The following ANKMY1 variants were observed in gnomAD, a reference collection of about 807,000 sequenced individuals.
ANKMY1 encodes the protein ankyrin repeat and MYND domain-containing protein 1.
ANKMY1 carries 98 observed loss-of-function variants against 102.0 expected under a neutral mutation model. That is an observed-to-expected ratio of 0.96 (90% CI 0.82 to 1.14). The LOEUF is 1.14. Ranked by LOEUF, ANKMY1 falls within the 50% of genes most tolerant of loss-of-function variation. The pLI, the probability that ANKMY1 is intolerant of heterozygous loss-of-function variation, is 0.00. For synonymous variants in ANKMY1, 582 were observed against 559.9 expected, an observed-to-expected ratio of 1.04 and a Z score of -0.56; for missense variants, 1,330 against 1,347.6, an observed-to-expected ratio of 0.99 and a Z score of 0.20.
At chr2:240,553,334 G>A (rs1414245459) in intron 3 of ANKMY1, 5 of 436,194 alleles carry the variant, frequency 1.1e-5, no homozygotes, top group Non-Finnish European at 2.1e-5. Flanking sequence ...CCTGAGTCAG[G>A]AGAGCACGGA....
chr2:240,498,694 GC>G (rs1206088962), intron 15 of ANKMY1, among the ~76,000 whole-genome samples: 2 of 152,042 alleles, frequency 1.3e-5, no homozygotes, highest in African/African-American at 4.8e-5. Context: ...TGAACTGTGG[GC>G]CCCCCTGTGG....
At chr2:240,500,305 G>C (rs1287466209) in intron 14 of ANKMY1, 147 bp downstream of exon 14, 3 of 1,124,322 alleles carry the variant, frequency 2.7e-6, no homozygotes, top group Non-Finnish European at 3.7e-6. Context: ...ACTTTGGGGG[G>C]TTCACCTCTG....
intron 4 of ANKMY1, among the ~76,000 whole-genome samples, chr2:240,545,893 C>G (rs2090258209): frequency 6.6e-6 from 1 of 152,186 alleles, no homozygotes; most frequent in South Asian, 2.1e-4. Context: ...ATTGGTATAC[C>G]TGAAAGTGAC....
downstream of ANKMY1, among the ~76,000 whole-genome samples, chr2:240,474,539 A>T (rs116400188): frequency 1.5e-3 from 228 of 152,290 alleles, 2 homozygotes; most frequent in African/African-American, 5.3e-3. Context: ...AGTACCTAAT[A>T]GTTATTTTTT....
chr2:240,530,783 G>A (rs1028762042), intron 4 of ANKMY1, among the ~76,000 whole-genome samples: 11 of 152,052 alleles, frequency 7.2e-5, no homozygotes, highest in Non-Finnish European at 1.0e-4. Flanking sequence ...GTGTGATGAC[G>A]CACACCTGTA....
intron 4 of ANKMY1, among the ~76,000 whole-genome samples, chr2:240,545,990 GA>G (rs1170664812): frequency 2.0e-5 from 3 of 152,090 alleles, no homozygotes; most frequent in African/African-American, 7.2e-5. Context: ...CCAACATTCA[GA>G]TTCAGGAAAT....
chr2:240,468,634 G>T, the ANKMY1 span, among the ~76,000 whole-genome samples: 1 of 152,218 alleles, frequency 6.6e-6, no homozygotes, highest in Admixed American at 6.5e-5. Flanking sequence ...CACTGTTCTG[G>T]GTGTGTCCCT....
chr2:240,534,697 A>G lies in ANKMY1; in HGVS notation c.481-5188T>C, dbSNP rs535903143. Among the ~76,000 whole-genome samples the G allele has an allele frequency of 2.6e-5, 4 of 152,370 alleles. No homozygotes were observed. In the South Asian group the frequency reaches 8.3e-4, roughly 32 times the overall value. On this transcript the variant is annotated intron_variant, in intron 4 of 17. Coordinates refer to ENST00000401804, the MANE Select transcript of ANKMY1 (RefSeq NM_001282771.3). ...TTCTAACAATATGGTCTCAAAATAAATAAAGCAAAATTTGACAGAATTATA... is the reference window on the plus strand; with the variant it reads ...TTCTAACAATATGGTCTCAAAATAAGTAAAGCAAAATTTGACAGAATTATA...
At chr2:240,543,246 G>A (rs1262939257) in intron 4 of ANKMY1, among the ~76,000 whole-genome samples, 3 of 151,618 alleles carry the variant, frequency 2.0e-5, no homozygotes, top group Admixed American at 2.0e-4. Flanking sequence ...CCAGCTACTC[G>A]GGAGGCTGAG....
chr2:240,476,220 G>T (rs2151808098), downstream of ANKMY1, among the ~76,000 whole-genome samples: 1 of 152,292 alleles, frequency 6.6e-6, no homozygotes, highest in African/African-American at 2.4e-5. Context: ...CTTTGACAAG[G>T]GGACCAAGAA....
chr2:240,493,799 C>G (rs1197191536), intron 15 of ANKMY1, among the ~76,000 whole-genome samples: 1 of 152,126 alleles, frequency 6.6e-6, no homozygotes, highest in Non-Finnish European at 1.5e-5. Context: ...TTGGCAACTA[C>G]TGGCAGGTCA....
At chr2:240,491,206 C>T (rs1369439998) in intron 15 of ANKMY1, among the ~76,000 whole-genome samples, 1 of 151,148 alleles carries the variant, frequency 6.6e-6, no homozygotes, top group Non-Finnish European at 1.5e-5. Flanking sequence ...ATTTTTTCAT[C>T]CCTTTATTTC....
chr2:240,543,427 G>GT (rs2089518008), intron 4 of ANKMY1, among the ~76,000 whole-genome samples: 1 of 151,912 alleles, frequency 6.6e-6, no homozygotes, highest in South Asian at 2.1e-4. Flanking sequence ...TTTTATCTGG[G>GT]TTTTATATTT....
the ANKMY1 span, among the ~76,000 whole-genome samples, chr2:240,469,949 T>G: frequency 7.4e-4 from 112 of 152,174 alleles, no homozygotes; most frequent in African/African-American, 2.6e-3. Flanking sequence ...TACACATGCA[T>G]GCACATGTGC....
chr2:240,511,663 C>G (rs1029760056), intron 11 of ANKMY1, among the ~76,000 whole-genome samples, 198 bp downstream of exon 11: 1 of 152,250 alleles, frequency 6.6e-6, no homozygotes, highest in Non-Finnish European at 1.5e-5. Context: ...AGGCCCCGTG[C>G]GCAGGCGTGC....
upstream of ANKMY1, chr2:240,561,064 C>A (rs571403854): frequency 1.2e-4 from 174 of 1,491,628 alleles, 1 homozygote; most frequent in African/African-American, 2.0e-3. Flanking sequence ...CTCAGCCTGG[C>A]GAAGGCCTTC....
chr2:240,496,397 TA>T (rs2077269672), intron 15 of ANKMY1, among the ~76,000 whole-genome samples: 1 of 151,058 alleles, frequency 6.6e-6, no homozygotes, highest in African/African-American at 2.4e-5. Context: ...GATAGATAGA[TA>T]GATAGATAGA....
At chr2:240,540,695 T>C (rs558442493) in intron 4 of ANKMY1, among the ~76,000 whole-genome samples, 2 of 152,340 alleles carry the variant, frequency 1.3e-5, no homozygotes, top group African/African-American at 2.4e-5. Flanking sequence ...ATTAAAGCCT[T>C]CTTCTTTTGC....
downstream of ANKMY1, among the ~76,000 whole-genome samples, chr2:240,478,379 ATAAG>A (rs2075000202): frequency 6.6e-6 from 1 of 152,202 alleles, no homozygotes; most frequent in African/African-American, 2.4e-5. Flanking sequence ...GTACCATCAA[ATAAG>A]TATCCATTAG....
Sources: gnomAD v4.1 joint callset for allele counts (sites outside exome capture counted in the v4.1 genomes callset) on GRCh38, gnomAD v4.1.1 for gene constraint, MANE v1.5 for transcripts, NCBI Gene and HGNC (gene_info 2026-07-23, HGNC 2026-07-21) for gene names.